Variants in PCDHGB1 observed in about 807,000 individuals in gnomAD.
The protein encoded by PCDHGB1 is protocadherin gamma subfamily B, 1, also known as protocadherin gamma-B1.
PCDHGB1 carries 34 observed loss-of-function variants against 56.6 expected under a neutral mutation model. The observed-to-expected ratio is 0.60, with a 90% CI of 0.46 to 0.80. The LOEUF is 0.80. PCDHGB1 is among the 30% of genes least tolerant of loss of function. PCDHGB1 has a pLI of 0.00. For synonymous variants in PCDHGB1, 561 were observed against 505.9 expected, an observed-to-expected ratio of 1.11 and a Z score of -1.46; for missense variants, 1,278 against 1,204.6, an observed-to-expected ratio of 1.06 and a Z score of -0.90.
At chr5:141,376,530 G>A (rs200613052) in intron 1 of PCDHGB1, 1 of 1,613,668 alleles carries the variant, frequency 6.2e-7, no homozygotes, top group Admixed American at 1.7e-5. Context: ...CCGCCTAAGC[G>A]GGAAGAGTAA....
intron 1 of PCDHGB1, chr5:141,360,310 C>A (rs976415127): frequency 1.6e-5 from 26 of 1,613,804 alleles, no homozygotes; most frequent in Non-Finnish European, 2.1e-5. Context: ...GCTCAGCGTC[C>A]GGGACTTGCC....
intron 1 of PCDHGB1, chr5:141,442,134 AG>A (rs1365375748): frequency 6.1e-6 from 1 of 163,744 alleles, no homozygotes; most frequent in African/African-American, 2.4e-5. Context: ...AGCCTGCAGG[AG>A]ACTCTGCCAG....
At chr5:141,371,570 T>C (rs767925650) in intron 1 of PCDHGB1, 3 of 1,613,762 alleles carry the variant, frequency 1.9e-6, no homozygotes, top group Admixed American at 3.3e-5. Flanking sequence ...ACTTCCCCTT[T>C]AAAATCGTTC....
chr5:141,485,641 G>T lies in PCDHGB1; in HGVS notation c.2410-9166G>T. The T allele has an allele frequency of 6.2e-7, 1 of 1,612,012 alleles. No individual in the cohort carries two copies. Among genetic ancestry groups the T allele is most frequent in the Non-Finnish European group, 8.5e-7 (1 of 1,178,470 alleles). On this transcript the variant is annotated intron_variant, in intron 1 of 3. Transcript: ENST00000523390. The surrounding 1 kb of genome is among the most constrained non-coding windows in gnomAD (Gnocchi z 5.7). Reference sequence around the variant, plus strand: ...CAGGACAGCGTTTCCCGTTGGAAAAGGCTCAGGATGCAGATGTGGGGAGCA... The same window carrying T: ...CAGGACAGCGTTTCCCGTTGGAAAATGCTCAGGATGCAGATGTGGGGAGCA...
At chr5:141,414,646 A>G in intron 1 of PCDHGB1, 2 of 1,613,928 alleles carry the variant, frequency 1.2e-6, no homozygotes, top group Non-Finnish European at 1.7e-6. Context: ...GAATGCCCAG[A>G]TTATTTACTC....
At chr5:141,484,672 A>G (rs1253641119) in intron 1 of PCDHGB1, among the ~76,000 whole-genome samples, 1 of 151,990 alleles carries the variant, frequency 6.6e-6, no homozygotes, top group African/African-American at 2.4e-5. Flanking sequence ...AGTGGGCCGC[A>G]GGTTGCTAGG....
chr5:141,425,956 C>T (rs1221085532), intron 1 of PCDHGB1, among the ~76,000 whole-genome samples: 1 of 152,244 alleles, frequency 6.6e-6, no homozygotes, highest in Non-Finnish European at 1.5e-5. Flanking sequence ...ATACATTAGT[C>T]CAACACATCA....
Position 141,431,938 on chromosome 5 carries a change from A to G in PCDHGB1, c.2410-62869A>G, listed in dbSNP as rs150199588. 49 of 1,614,050 alleles carry G rather than the reference A, an allele frequency of 3.0e-5. No individual in the cohort carries two copies. Among genetic ancestry groups the G allele is most frequent in the Non-Finnish European group, 3.9e-5 (46 of 1,180,026 alleles). Reference sequence around the variant, plus strand: ...TCATCCAAGGAAATCTGCCCTTTAAATTAGAAAAATCTTACGGAAATTACT... The same window carrying G: ...TCATCCAAGGAAATCTGCCCTTTAAGTTAGAAAAATCTTACGGAAATTACT... On this transcript the variant is annotated intron_variant, in intron 1 of 3. Coordinates refer to ENST00000523390, the MANE Select transcript of PCDHGB1 (RefSeq NM_018922.3). This position sits in a 1 kb window ranked among gnomAD's most constrained non-coding sequence, Gnocchi z 4.8.
At chr5:141,357,034 A>G (rs1200830178) in intron 1 of PCDHGB1, 1 of 1,614,038 alleles carries the variant, frequency 6.2e-7, no homozygotes, top group Non-Finnish European at 8.5e-7. Flanking sequence ...ACTCAAGTCC[A>G]GCGAGCCGGG....
At chr5:141,421,060 A>C (rs1394861719) in intron 1 of PCDHGB1, 3 of 579,718 alleles carry the variant, frequency 5.2e-6, no homozygotes, top group Non-Finnish European at 8.8e-6. Context: ...TACCACACAA[A>C]GCGGAATGAG....
chr5:141,365,815 A>G (rs1246985073), intron 1 of PCDHGB1: 1 of 1,613,664 alleles, frequency 6.2e-7, no homozygotes, highest in Admixed American at 1.7e-5. Context: ...CTGAAGACAC[A>G]TTTCAGGGGG....
intron 1 of PCDHGB1, chr5:141,422,951 G>C (rs1382138030): frequency 3.7e-6 from 6 of 1,614,236 alleles, no homozygotes; most frequent in South Asian, 3.3e-5. Flanking sequence ...GGCTCCACTG[G>C]CGTGGAGCTG....
At position 141,490,376 on chromosome 5, in the gene PCDHGB1, CA is replaced by C; in HGVS notation, c.2410-4430del. 1 of 1,614,184 alleles carries C rather than the reference CA, an allele frequency of 6.2e-7. No individual in the cohort carries two copies. Among genetic ancestry groups the C allele is most frequent in the African/African-American group, 1.3e-5 (1 of 75,030 alleles). On this transcript the variant is annotated intron_variant, in intron 1 of 3. Coordinates refer to ENST00000523390, the MANE Select transcript of PCDHGB1 (RefSeq NM_018922.3). This position sits in a 1 kb window ranked among gnomAD's most constrained non-coding sequence, Gnocchi z 5.4. ...TTGTTTAATGTGCGAGACCGGGACTCAGGTAGAAATGGTGAAGTGAGCCTTG... is the reference window on the plus strand; with the variant it reads ...TTGTTTAATGTGCGAGACCGGGACTCGGTAGAAATGGTGAAGTGAGCCTTG...
chr5:141,394,158 C>G lies in PCDHGB1; in HGVS notation c.2409+41489C>G, dbSNP rs777816337. 1.2e-5 allele frequency: 19 copies of G among 1,613,726 alleles called. No homozygotes were observed. The Admixed American group carries it at 2.0e-4, about 17-fold the overall frequency. On this transcript the variant is annotated intron_variant, in intron 1 of 3. Transcript: ENST00000523390. ...GCACGTGGCAGACATTAACGACAAC[C>G]CTCCTACTTTCCCTCATGCCTCCTA...
At chr5:141,358,825 T>C (rs1761033525) in intron 1 of PCDHGB1, among the ~76,000 whole-genome samples, 1 of 152,232 alleles carries the variant, frequency 6.6e-6, no homozygotes, top group Non-Finnish European at 1.5e-5. Flanking sequence ...CTTAGTAAGG[T>C]GGCCTCATCC....
At chr5:141,422,950 G>A (rs1388735971) in intron 1 of PCDHGB1, 2 of 1,614,230 alleles carry the variant, frequency 1.2e-6, no homozygotes, top group South Asian at 1.1e-5. Flanking sequence ...CGGCTCCACT[G>A]GCGTGGAGCT....
chr5:141,403,210 C>A (rs369033480), intron 1 of PCDHGB1: 2 of 1,613,828 alleles, frequency 1.2e-6, no homozygotes, highest in African/African-American at 2.7e-5. Context: ...CCTTGGTCAC[C>A]GCGGGTAGGA....
At chr5:141,380,735 C>T (rs973708229) in intron 1 of PCDHGB1, among the ~76,000 whole-genome samples, 1 of 152,066 alleles carries the variant, frequency 6.6e-6, no homozygotes, top group African/African-American at 2.4e-5. Flanking sequence ...TTCCTTTTCT[C>T]CAAAGAAGGT....
chr5:141,361,440 C>T, intron 1 of PCDHGB1: 1 of 1,614,042 alleles, frequency 6.2e-7, no homozygotes, highest in South Asian at 1.1e-5. Context: ...TCTCCTCCAG[C>T]ATAATTGTCA....
Sources: gnomAD v4.1 joint callset for allele counts (sites outside exome capture counted in the v4.1 genomes callset) on GRCh38, gnomAD v4.1.1 for gene constraint, Gnocchi (gnomAD v3.1) non-coding constraint, MANE v1.5 for transcripts, NCBI Gene and HGNC (gene_info 2026-07-23, HGNC 2026-07-21) for gene names.